GGACT: variants seen among roughly 807,000 people sequenced by gnomAD.
The protein encoded by GGACT is gamma-glutamylaminecyclotransferase.
For synonymous variants in GGACT, 118 were observed against 115.3 expected, an observed-to-expected ratio of 1.02 and a Z score of -0.15; for missense variants, 241 against 233.2, an observed-to-expected ratio of 1.03 and a Z score of -0.22.
At chr13:100,556,271 A>G (rs920701582) in intron 2 of GGACT, among the ~76,000 whole-genome samples, 1 of 152,266 alleles carries the variant, frequency 6.6e-6, no homozygotes, top group South Asian at 2.1e-4. Flanking sequence ...TGAGGTTAGC[A>G]AGGTTTTAGG....
intron 2 of GGACT, among the ~76,000 whole-genome samples, chr13:100,564,835 G>A (rs111713435): frequency 6.6e-6 from 1 of 152,282 alleles, no homozygotes; most frequent in Non-Finnish European, 1.5e-5. Context: ...GGGCGGGGGG[G>A]CTGGGCCTGA....
Position 100,531,316 on chromosome 13 carries a change from T to G in GGACT, c.*814A>C, listed in dbSNP as rs967966507. The G allele has an allele frequency of 1.3e-5, 2 of 152,258 alleles. No individual in the cohort carries two copies. The highest frequency in any genetic ancestry group is 1.3e-4 in the Admixed American group (2 of 15,284). The allele number at this position is 152,258 out of a possible 1,614,324, so 9.4% of individuals were successfully genotyped here. On this transcript the variant is annotated 3_prime_UTR_variant, in exon 3 of 3. Transcript: ENST00000683975. ...TCAGGCCTGAAGAACAAATTACTAA[T>G]GCATTGGCTCTTCTTTGAAAGGACT...
rs181741517 is a variant in GGACT, at chr13:100,545,082, A to G, written c.-10-12481T>C. On this transcript the variant is annotated intron_variant, in intron 2 of 2. Transcript: ENST00000683975. This position sits in a 1 kb window ranked among gnomAD's most constrained non-coding sequence, Gnocchi z 4.4. ...CTGGGCAGGCGGCCAGCGGCCCAAC[A>G]CTGGAGATGCCGTCAACCTCGTCAC... Among the ~76,000 whole-genome samples, 3 of 152,312 alleles carry G rather than the reference A, an allele frequency of 2.0e-5. No homozygotes were observed. Among genetic ancestry groups the G allele is most frequent in the Non-Finnish European group, 4.4e-5 (3 of 68,022 alleles).
At chr13:100,567,921 T>G (rs1399972588) in intron 2 of GGACT, among the ~76,000 whole-genome samples, 2 of 152,256 alleles carry the variant, frequency 1.3e-5, no homozygotes, top group Non-Finnish European at 2.9e-5. Context: ...TACCACCATC[T>G]TCCCTCACAA....
intron 2 of GGACT, among the ~76,000 whole-genome samples, chr13:100,554,996 A>T (rs2088698630): frequency 6.6e-6 from 1 of 152,224 alleles, no homozygotes; most frequent in East Asian, 1.9e-4. Flanking sequence ...ATCAAAGCTC[A>T]CTCAAGAAGA....
chr13:100,586,202 A>T (rs1875568827), intron 1 of GGACT, among the ~76,000 whole-genome samples: 1 of 152,178 alleles, frequency 6.6e-6, no homozygotes, highest in African/African-American at 2.4e-5. Flanking sequence ...GGAGAAACAT[A>T]CTGAACAATT....
intron 1 of GGACT, among the ~76,000 whole-genome samples, chr13:100,588,255 T>C (rs1875641288): frequency 6.6e-6 from 1 of 152,170 alleles, no homozygotes. Context: ...CAAAGAAACC[T>C]TAGATCAGAA....
chr13:100,537,134 G>A (rs915382070), intron 2 of GGACT: 2 of 152,244 alleles, frequency 1.3e-5, no homozygotes, highest in Non-Finnish European at 2.9e-5. Flanking sequence ...GTCCTTGTGG[G>A]TCGTTTGAGT....
intron 2 of GGACT, among the ~76,000 whole-genome samples, chr13:100,564,660 T>C (rs745994769): frequency 3.9e-5 from 6 of 152,194 alleles, no homozygotes; most frequent in Non-Finnish European, 8.8e-5. Flanking sequence ...TCTAAGAGCA[T>C]TATGTTTTTA....
intron 2 of GGACT, among the ~76,000 whole-genome samples, chr13:100,555,837 T>C (rs1190962586): frequency 6.6e-6 from 1 of 152,168 alleles, no homozygotes; most frequent in Non-Finnish European, 1.5e-5. Flanking sequence ...TATTTAAAAA[T>C]CAGTCAATGA....
chr13:100,573,526 G>A (rs983151988), intron 2 of GGACT, among the ~76,000 whole-genome samples: 1 of 151,984 alleles, frequency 6.6e-6, no homozygotes, highest in Non-Finnish European at 1.5e-5. Flanking sequence ...TTCTTTATTT[G>A]TTTGTTTTGA....
At chr13:100,566,156 A>C (rs1312052594) in intron 2 of GGACT, among the ~76,000 whole-genome samples, 1 of 152,230 alleles carries the variant, frequency 6.6e-6, no homozygotes, top group East Asian at 1.9e-4. Flanking sequence ...GCAGCCTGTG[A>C]CAGACCCAAG....
chr13:100,567,238 G>A (rs977241189), intron 2 of GGACT, among the ~76,000 whole-genome samples: 3 of 152,080 alleles, frequency 2.0e-5, no homozygotes, highest in Non-Finnish European at 4.4e-5. Context: ...TTATGAAGAG[G>A]GATTTTGAAA....
chr13:100,577,389 C>G (rs1875278247), intron 2 of GGACT, among the ~76,000 whole-genome samples: 1 of 146,412 alleles, frequency 6.8e-6, no homozygotes. Flanking sequence ...GCACCCCATC[C>G]TGGGTGACAA....
chr13:100,543,503 C>T lies in GGACT; in HGVS notation c.-10-10902G>A, dbSNP rs543735748. ...TGCAGGCATGAGCCAGCACGCCTGGCCAACACCAGCTTCTAACATAAAAAC... is the reference window on the plus strand; with the variant it reads ...TGCAGGCATGAGCCAGCACGCCTGGTCAACACCAGCTTCTAACATAAAAAC... On this transcript the variant is annotated intron_variant, in intron 2 of 2. Coordinates refer to ENST00000683975, the MANE Select transcript of GGACT (RefSeq NM_001195087.2). Among the ~76,000 whole-genome samples, 5 of 152,194 alleles carry T rather than the reference C, an allele frequency of 3.3e-5. No individual in the cohort carries two copies. In the South Asian group the frequency reaches 1.0e-3, roughly 32 times the overall value.
At chr13:100,581,362 C>T (rs1334280272) in intron 2 of GGACT, among the ~76,000 whole-genome samples, 1 of 152,064 alleles carries the variant, frequency 6.6e-6, no homozygotes, top group Non-Finnish European at 1.5e-5. Context: ...CAAGGAAGTG[C>T]TCAAAAATAA....
intron 1 of GGACT, among the ~76,000 whole-genome samples, chr13:100,584,673 C>A (rs1438402268): frequency 6.6e-6 from 1 of 151,834 alleles, no homozygotes; most frequent in African/African-American, 2.4e-5. Flanking sequence ...TGATGGATAC[C>A]CCATTTACCC....
intron 2 of GGACT, among the ~76,000 whole-genome samples, chr13:100,564,831 G>T (rs1040313653): frequency 1.3e-5 from 2 of 152,336 alleles, no homozygotes; most frequent in Admixed American, 1.3e-4. Context: ...CAGGGGGCGG[G>T]GGGGCTGGGC....
At chr13:100,553,943 T>C (rs914614364) in intron 2 of GGACT, among the ~76,000 whole-genome samples, 3 of 151,854 alleles carry the variant, frequency 2.0e-5, no homozygotes, top group East Asian at 1.9e-4. Flanking sequence ...TTCTAACGTA[T>C]GGTATACTTT....
Sources: allele counts gnomAD v4.1 joint callset (sites outside exome capture counted in the v4.1 genomes callset), GRCh38; gene constraint gnomAD v4.1.1; non-coding constraint Gnocchi (gnomAD v3.1); transcripts MANE v1.5; gene names NCBI Gene and HGNC (gene_info 2026-07-23, HGNC 2026-07-21).